The following ST6GALNAC5 variants were observed in gnomAD, a reference collection of about 807,000 sequenced individuals.
The protein encoded by ST6GALNAC5 is alpha-N-acetylgalactosaminide alpha-2,6-sialyltransferase 5.
ST6GALNAC5 carries 27 observed loss-of-function variants against 33.6 expected under a neutral mutation model. The observed-to-expected ratio is 0.80, with a 90% CI of 0.59 to 1.11. The LOEUF is 1.11. Among genes scored for constraint, ST6GALNAC5 ranks in the 50% least tolerant of loss-of-function variants. ST6GALNAC5 has a pLI of 0.00. For synonymous variants in ST6GALNAC5, 194 were observed against 171.2 expected (o/e 1.13, Z -1.04); for missense variants, 428 against 454.0 (o/e 0.94, Z 0.52).
chr1:76,969,365 A>G (rs1313857085), intron 2 of ST6GALNAC5, among the ~76,000 whole-genome samples: 3 of 152,232 alleles, frequency 2.0e-5, no homozygotes, highest in Non-Finnish European at 4.4e-5. Context: ...ACGGCACACC[A>G]GGAGATTATA....
chr1:76,894,591 CAAAG>C (rs1234675804), intron 2 of ST6GALNAC5, among the ~76,000 whole-genome samples: 2 of 151,892 alleles, frequency 1.3e-5, no homozygotes, highest in Non-Finnish European at 2.9e-5. Context: ...AGGTCACAGT[CAAAG>C]AAAAAAACCT....
chr1:77,013,405 G>T (rs1259045146), intron 2 of ST6GALNAC5, among the ~76,000 whole-genome samples: 1 of 152,172 alleles, frequency 6.6e-6, no homozygotes, highest in African/African-American at 2.4e-5. Flanking sequence ...TCAGGCATGG[G>T]GCTAAAGGCT....
intron 2 of ST6GALNAC5, among the ~76,000 whole-genome samples, chr1:76,969,379 C>G (rs1468017795): frequency 2.0e-5 from 3 of 152,214 alleles, no homozygotes; most frequent in Non-Finnish European, 4.4e-5. Context: ...GATTATATCC[C>G]ATGCCGGGTT....
intron 4 of ST6GALNAC5, among the ~76,000 whole-genome samples, chr1:77,055,347 A>G (rs1053656753): frequency 1.3e-5 from 2 of 152,156 alleles, no homozygotes; most frequent in Non-Finnish European, 2.9e-5. Context: ...CCCATCCCCT[A>G]CTTCCTTAAG....
chr1:77,019,196 T>G (rs1650962104), intron 2 of ST6GALNAC5, among the ~76,000 whole-genome samples: 1 of 152,226 alleles, frequency 6.6e-6, no homozygotes, highest in Non-Finnish European at 1.5e-5. Flanking sequence ...GATTAAATAC[T>G]TACCACTGCT....
At chr1:76,971,382 C>T (rs569925180) in intron 2 of ST6GALNAC5, among the ~76,000 whole-genome samples, 1 of 152,156 alleles carries the variant, frequency 6.6e-6, no homozygotes, top group South Asian at 2.1e-4. Flanking sequence ...GAGTAGCACA[C>T]TTGCGTGGGA....
At chr1:76,966,813 T>A (rs937773815) in intron 2 of ST6GALNAC5, among the ~76,000 whole-genome samples, 5 of 152,236 alleles carry the variant, frequency 3.3e-5, no homozygotes, top group African/African-American at 1.2e-4. Flanking sequence ...ATGAAGGCTG[T>A]TGAATTTTAT....
chr1:76,903,103 AC>A (rs1337015386), intron 2 of ST6GALNAC5, among the ~76,000 whole-genome samples: 3 of 152,172 alleles, frequency 2.0e-5, no homozygotes, highest in African/African-American at 4.8e-5. Context: ...TAAAAAAACA[AC>A]CCATGGAATA....
At chr1:76,975,883 T>A (rs1439644455) in intron 2 of ST6GALNAC5, among the ~76,000 whole-genome samples, 1 of 152,128 alleles carries the variant, frequency 6.6e-6, no homozygotes, top group African/African-American at 2.4e-5. Context: ...TTGCTTGAGC[T>A]CAGGAGTTCC....
intron 2 of ST6GALNAC5, among the ~76,000 whole-genome samples, chr1:77,031,742 T>G (rs1651463947): frequency 6.6e-6 from 1 of 152,214 alleles, no homozygotes; most frequent in Non-Finnish European, 1.5e-5. Flanking sequence ...TTCTCACACA[T>G]GCACTAACTA....
chr1:76,905,274 T>C (rs1646854704), intron 2 of ST6GALNAC5, among the ~76,000 whole-genome samples: 1 of 152,174 alleles, frequency 6.6e-6, no homozygotes, highest in Non-Finnish European at 1.5e-5. Flanking sequence ...GTTACGGGGC[T>C]ATTATTTCCT....
chr1:77,039,941 C>G (rs1033548573), intron 2 of ST6GALNAC5, among the ~76,000 whole-genome samples: 1 of 152,194 alleles, frequency 6.6e-6, no homozygotes, highest in South Asian at 2.1e-4. Context: ...ATTCATCAAC[C>G]CAGCATCTGA....
chr1:77,021,124 G>C (rs1651038339), intron 2 of ST6GALNAC5, among the ~76,000 whole-genome samples: 2 of 152,232 alleles, frequency 1.3e-5, no homozygotes, highest in Non-Finnish European at 2.9e-5. Flanking sequence ...TCTACCTCTT[G>C]ATGGGGAAGT....
In ST6GALNAC5 at chr1:76,912,468, C is replaced by G. The variant is rs1017244103; in HGVS notation, c.261+43726C>G. 5.8e-4 allele frequency among the ~76,000 whole-genome samples: 88 copies of G among 152,054 alleles called. 1 individual carries two copies. The highest frequency in any genetic ancestry group is 1.0e-3 in the Non-Finnish European group (71 of 67,984). ...GCTTGGTGCAGAGCTGAGTTCAATT[C>G]CTGGGTATCCTTGTTAACTTTCTGT... On this transcript the variant is annotated intron_variant, in intron 2 of 4. Coordinates refer to ENST00000477717, the MANE Select transcript of ST6GALNAC5 (RefSeq NM_030965.3).
chr1:77,013,060 C>G (rs955807896), intron 2 of ST6GALNAC5, among the ~76,000 whole-genome samples: 1 of 152,122 alleles, frequency 6.6e-6, no homozygotes, highest in African/African-American at 2.4e-5. Flanking sequence ...AAAGACCTCC[C>G]TGGCAGAAGG....
At chr1:77,052,917 C>CAAAAAA (rs34398611) in intron 4 of ST6GALNAC5, among the ~76,000 whole-genome samples, 4 of 69,970 alleles carry the variant, frequency 5.7e-5, no homozygotes, top group Non-Finnish European at 1.0e-4. Flanking sequence ...GGCTCTGTCT[C>CAAAAAA]AAAAAAAAAA....
chr1:76,906,761 C>T (rs1315128705), intron 2 of ST6GALNAC5, among the ~76,000 whole-genome samples: 2 of 152,100 alleles, frequency 1.3e-5, no homozygotes, highest in East Asian at 1.9e-4. Context: ...ATCTCAACTC[C>T]GGGTCTCCCT....
At chr1:76,918,247 G>A (rs1470911535) in intron 2 of ST6GALNAC5, among the ~76,000 whole-genome samples, 1 of 152,116 alleles carries the variant, frequency 6.6e-6, no homozygotes, top group Non-Finnish European at 1.5e-5. Context: ...GTCAGGAAAA[G>A]AAGAGATCTC....
chr1:77,050,724 AGAGAGCAATTCCTTTGACAGTGAGGGCT>A (rs1164109138), intron 4 of ST6GALNAC5, among the ~76,000 whole-genome samples: 5 of 152,272 alleles, frequency 3.3e-5, no homozygotes, highest in Non-Finnish European at 5.9e-5. Context: ...AATGAATTAA[AGAGAGCAATTCCTTTGACAGTGAGGGCT>A]TTTTTCTAAA....
Sources: allele counts gnomAD v4.1 joint callset (sites outside exome capture counted in the v4.1 genomes callset), GRCh38; gene constraint gnomAD v4.1.1; transcripts MANE v1.5; gene names NCBI Gene and HGNC (gene_info 2026-07-23, HGNC 2026-07-21).